The following PARD3 variants were observed in gnomAD, a reference collection of about 807,000 sequenced individuals.
PARD3 encodes partitioning defective 3 homolog.
A neutral mutation model predicts 155.4 loss-of-function variants in PARD3; 75 were observed. That is an observed-to-expected ratio of 0.48 (90% CI 0.40 to 0.58). PARD3 has a LOEUF of 0.58. Ranked by LOEUF, PARD3 falls within the 20% of genes least tolerant of loss-of-function variation. The probability of loss-of-function intolerance (pLI) is 0.00; values close to 1 mark genes in which losing one functional copy is unlikely to be tolerated. For missense variants in PARD3, 1,642 were observed against 1,721.7 expected (o/e 0.95, Z 0.82); for synonymous variants, 576 against 610.5 (o/e 0.94, Z 0.83).
chr10:34,269,524 G>T, intron 22 of PARD3, 133 bp downstream of exon 22: 3 of 925,944 alleles, frequency 3.2e-6, no homozygotes, highest in Non-Finnish European at 4.9e-6. Context: ...AATACTTTTA[G>T]ACACAACAGC....
At chr10:34,537,394 T>C (rs2083298870) in intron 2 of PARD3, among the ~76,000 whole-genome samples, 1 of 152,164 alleles carries the variant, frequency 6.6e-6, no homozygotes, top group Non-Finnish European at 1.5e-5. Flanking sequence ...GAAAAAACAA[T>C]TTCTGGTGAA....
chr10:34,518,351 G>T (rs539417681), intron 2 of PARD3, among the ~76,000 whole-genome samples: 1 of 152,310 alleles, frequency 6.6e-6, no homozygotes, highest in East Asian at 1.9e-4. Context: ...TACCCAGATC[G>T]TGGTTTCTAA....
At chr10:34,713,514 C>T (rs957495538) in intron 1 of PARD3, among the ~76,000 whole-genome samples, 1 of 152,096 alleles carries the variant, frequency 6.6e-6, no homozygotes, top group Non-Finnish European at 1.5e-5. Flanking sequence ...TCCCAGAACA[C>T]TTTGGGAGGC....
At chr10:34,282,003 C>G (rs1482796644) in intron 21 of PARD3, among the ~76,000 whole-genome samples, 1 of 151,872 alleles carries the variant, frequency 6.6e-6, no homozygotes, top group Non-Finnish European at 1.5e-5. Flanking sequence ...AAAATTTTTT[C>G]AAGGAAGCTG....
chr10:34,668,649 T>C (rs956201729), intron 2 of PARD3, among the ~76,000 whole-genome samples: 1 of 152,082 alleles, frequency 6.6e-6, no homozygotes, highest in Non-Finnish European at 1.5e-5. Context: ...TATCTTATGG[T>C]ACATATTTAA....
rs529617928 is a variant in PARD3, at chr10:34,240,782, GGA to G, written c.3419+28873_3419+28874del. 3.9e-5 allele frequency among the ~76,000 whole-genome samples: 6 copies of G among 152,152 alleles called. No homozygotes were observed. In the South Asian group the frequency reaches 1.0e-3, roughly 26 times the overall value. ...CTGTCTCCAGAGCAAGATTTTCTGAGGAGAGGTAAACAGTCCCTCCCACCAAG... is the reference window on the plus strand; with the variant it reads ...CTGTCTCCAGAGCAAGATTTTCTGAGGAGGTAAACAGTCCCTCCCACCAAG... On this transcript the variant is annotated intron_variant, in intron 22 of 24. Coordinates refer to ENST00000374788, the MANE Select transcript of PARD3 (RefSeq NM_001184785.2).
chr10:34,452,161 C>T (rs1171590526), intron 4 of PARD3, among the ~76,000 whole-genome samples: 2 of 152,120 alleles, frequency 1.3e-5, no homozygotes, highest in Non-Finnish European at 2.9e-5. Context: ...AGGGACCAGG[C>T]TTTCATACTC....
At chr10:34,654,095 T>C (rs2093096594) in intron 2 of PARD3, among the ~76,000 whole-genome samples, 1 of 151,470 alleles carries the variant, frequency 6.6e-6, no homozygotes, top group Non-Finnish European at 1.5e-5. Flanking sequence ...ACAACCTTTA[T>C]ACAAACATGA....
At chr10:34,344,305 T>C in intron 15 of PARD3, 3 of 931,058 alleles carry the variant, frequency 3.2e-6, no homozygotes, top group African/African-American at 1.9e-5. Context: ...TTTTTGGATA[T>C]GGAGTCTCAC....
chr10:34,649,768 T>C (rs545139958), intron 2 of PARD3, among the ~76,000 whole-genome samples: 35 of 152,284 alleles, frequency 2.3e-4, no homozygotes, highest in African/African-American at 7.7e-4. Flanking sequence ...TTATATACTT[T>C]TAATTTTTTC....
At chr10:34,642,937 G>C (rs1280297978) in intron 2 of PARD3, among the ~76,000 whole-genome samples, 2 of 152,074 alleles carry the variant, frequency 1.3e-5, no homozygotes, top group Non-Finnish European at 1.5e-5. Flanking sequence ...TAACTGACTG[G>C]GAAACCTTCA....
intron 1 of PARD3, among the ~76,000 whole-genome samples, chr10:34,746,490 C>T (rs1284228946): frequency 2.0e-5 from 3 of 152,146 alleles, no homozygotes; most frequent in African/African-American, 7.2e-5. Context: ...AAAATAGTAA[C>T]ACATTTATTA....
At chr10:34,324,022 T>A (rs559699279) in intron 19 of PARD3, among the ~76,000 whole-genome samples, 9 of 152,328 alleles carry the variant, frequency 5.9e-5, no homozygotes, top group African/African-American at 2.2e-4. Context: ...CACTGAGAAT[T>A]TTATTTTAAT....
intron 7 of PARD3, among the ~76,000 whole-genome samples, chr10:34,396,661 C>T (rs1843378153): frequency 6.6e-6 from 1 of 152,062 alleles, no homozygotes; most frequent in Admixed American, 6.6e-5. Flanking sequence ...TAGTTATCCT[C>T]CAAAATTGAG....
At chr10:34,665,081 T>C (rs1312736090) in intron 2 of PARD3, among the ~76,000 whole-genome samples, 2 of 151,950 alleles carry the variant, frequency 1.3e-5, no homozygotes, top group African/African-American at 4.8e-5. Flanking sequence ...AAAACCACAA[T>C]TACAAAGTTT....
chr10:34,334,113 C>T (rs1259335296), intron 18 of PARD3, among the ~76,000 whole-genome samples: 1 of 151,728 alleles, frequency 6.6e-6, no homozygotes, highest in Admixed American at 6.6e-5. Flanking sequence ...TTACTTTACA[C>T]ATATCTTTTA....
chr10:34,679,416 C>T (rs757069425), intron 2 of PARD3, among the ~76,000 whole-genome samples: 17 of 152,128 alleles, frequency 1.1e-4, no homozygotes, highest in East Asian at 1.9e-4. Context: ...AGTCTCTCAA[C>T]GCATTCCTTG....
intron 20 of PARD3, among the ~76,000 whole-genome samples, chr10:34,299,168 G>A (rs148131119): frequency 0.012 from 1,785 of 152,302 alleles, 9 homozygotes; most frequent in Middle Eastern, 0.031. Context: ...AACAGAGTGC[G>A]AGGAGGAGCC....
intron 24 of PARD3, among the ~76,000 whole-genome samples, chr10:34,116,152 T>C (rs960307349): frequency 1.3e-5 from 2 of 152,260 alleles, no homozygotes; most frequent in Non-Finnish European, 2.9e-5. Context: ...GTGTTTCTCA[T>C]TGACATGCCA....
Sources: gnomAD v4.1 joint callset for allele counts (sites outside exome capture counted in the v4.1 genomes callset) on GRCh38, gnomAD v4.1.1 for gene constraint, MANE v1.5 for transcripts, NCBI Gene and HGNC (gene_info 2026-07-23, HGNC 2026-07-21) for gene names.